Variants in GAS2 observed in about 807,000 individuals in gnomAD.
The protein encoded by GAS2 is growth arrest-specific protein 2.
Under a neutral mutation model 37.5 loss-of-function variants are expected in GAS2, and 20 were observed. The observed-to-expected ratio is 0.53, with a 90% confidence interval of 0.37 to 0.77. The LOEUF is 0.77. GAS2 is among the 30% of genes least tolerant of loss of function. The pLI is 0.00. For missense variants in GAS2, 336 were observed against 373.4 expected (o/e 0.90, Z 0.82); for synonymous variants, 144 against 132.2 (o/e 1.09, Z -0.61).
intron 7 of GAS2, among the ~76,000 whole-genome samples, chr11:22,788,030 CA>C (rs1232706100): frequency 6.6e-6 from 1 of 152,128 alleles, no homozygotes; most frequent in African/African-American, 2.4e-5. Flanking sequence ...AGTGCCTCTG[CA>C]ACATGAAATG....
At chr11:22,759,393 A>T (rs1854245172) in intron 7 of GAS2, among the ~76,000 whole-genome samples, 1 of 152,182 alleles carries the variant, frequency 6.6e-6, no homozygotes, top group South Asian at 2.1e-4. Context: ...TCCATGCCTA[A>T]ATGTTAAGAA....
rs78551211 is a variant in GAS2, at chr11:22,736,354, T to G, written c.410-1351T>G. Among the ~76,000 whole-genome samples, 312 of 152,134 alleles carry G rather than the reference T, an allele frequency of 2.1e-3. 9 individuals are homozygous for G. The East Asian group carries it at 0.05, about 25-fold the overall frequency. ...CTGAATCTAAAATTTGTGTTATCAG[T>G]AATAGAAATATCCTGCAATTCAGAT... is the stretch of plus-strand genomic sequence containing the variant. On this transcript the variant is annotated intron_variant, in intron 4 of 7. Coordinates refer to ENST00000454584, the MANE Select transcript of GAS2 (RefSeq NM_001143830.3).
intron 1 of GAS2, among the ~76,000 whole-genome samples, chr11:22,635,151 G>C (rs1858804295): frequency 6.6e-6 from 1 of 152,140 alleles, no homozygotes; most frequent in African/African-American, 2.4e-5. Flanking sequence ...TCAGGCAATG[G>C]GCAGAGTCAT....
chr11:22,764,424 G>A (rs1854564731), intron 7 of GAS2, among the ~76,000 whole-genome samples: 2 of 152,080 alleles, frequency 1.3e-5, no homozygotes, highest in Admixed American at 6.5e-5. Context: ...GCCGAGCGTG[G>A]TGGCAGGCGA....
chr11:22,680,411 C>T (rs434643), intron 2 of GAS2, among the ~76,000 whole-genome samples: 55,913 of 151,816 alleles, frequency 0.37, 11,288 homozygotes, highest in African/African-American at 0.55. Context: ...CTGTTTCCTA[C>T]CTCACAAACT....
At chr11:22,657,515 T>G (rs1848869515) in intron 1 of GAS2, among the ~76,000 whole-genome samples, 2 of 152,044 alleles carry the variant, frequency 1.3e-5, no homozygotes, top group South Asian at 4.1e-4. Context: ...CTTCATTGGT[T>G]GTTCCTGCGT....
At chr11:22,736,277 A>G (rs1054699667) in intron 4 of GAS2, among the ~76,000 whole-genome samples, 1 of 152,012 alleles carries the variant, frequency 6.6e-6, no homozygotes, top group East Asian at 1.9e-4. Flanking sequence ...TTTAATTAAA[A>G]GCAATTAAAA....
chr11:22,722,929 A>T (rs983540160), intron 3 of GAS2, among the ~76,000 whole-genome samples: 1 of 151,922 alleles, frequency 6.6e-6, no homozygotes, highest in African/African-American at 2.4e-5. Flanking sequence ...AAACTAATCC[A>T]TATTAGTTTC....
At chr11:22,771,859 T>G (rs931099229) in intron 7 of GAS2, among the ~76,000 whole-genome samples, 5 of 152,216 alleles carry the variant, frequency 3.3e-5, no homozygotes, top group African/African-American at 9.6e-5. Flanking sequence ...TTGAAAGAAC[T>G]GTTAGAAAGC....
At chr11:22,810,718 A>G (rs1452748539) in intron 7 of GAS2, among the ~76,000 whole-genome samples, 1 of 152,184 alleles carries the variant, frequency 6.6e-6, no homozygotes, top group Non-Finnish European at 1.5e-5. Context: ...ACAGGCATAT[A>G]GAAAGCAGGT....
Position 22,701,860 on chromosome 11 carries a change from A to G in GAS2, c.267+16071A>G, listed in dbSNP as rs540047403. On this transcript the variant is annotated intron_variant, in intron 3 of 7. Coordinates refer to ENST00000454584, the MANE Select transcript of GAS2 (RefSeq NM_001143830.3). ...ACAAACAAATAAAAGTTGGGGAAAA[A>G]AATTAGTTGCAAGAAGTCACAGGTC... is the stretch of plus-strand genomic sequence containing the variant. Among the ~76,000 whole-genome samples the G allele has an allele frequency of 5.9e-5, 9 of 152,230 alleles. No individual in the cohort carries two copies. In the South Asian group the frequency reaches 1.5e-3, roughly 25 times the overall value.
At chr11:22,711,303 A>G (rs1851393472) in intron 3 of GAS2, among the ~76,000 whole-genome samples, 1 of 152,210 alleles carries the variant, frequency 6.6e-6, no homozygotes, top group African/African-American at 2.4e-5. Context: ...CAGCCAGAAG[A>G]GTCCCATAGG....
chr11:22,807,452 T>C (rs112995589), intron 7 of GAS2, among the ~76,000 whole-genome samples: 111 of 152,372 alleles, frequency 7.3e-4, no homozygotes, highest in African/African-American at 2.6e-3. Context: ...TTGTGGAACA[T>C]GTTTTTAAAA....
intron 3 of GAS2, among the ~76,000 whole-genome samples, chr11:22,711,945 T>G (rs564099229): frequency 1.9e-4 from 29 of 152,172 alleles, no homozygotes; most frequent in African/African-American, 6.7e-4. Context: ...ACAAAAGACA[T>G]AATCTCTTGG....
chr11:22,794,626 A>G (rs945955651), intron 7 of GAS2, among the ~76,000 whole-genome samples: 1 of 152,142 alleles, frequency 6.6e-6, no homozygotes, highest in Admixed American at 6.6e-5. Flanking sequence ...TTTTATAATG[A>G]TCATGTAAAT....
chr11:22,737,794 C>T, intron 5 of GAS2, 26 bp downstream of exon 5: 8 of 1,606,298 alleles, frequency 5.0e-6, no homozygotes, highest in Non-Finnish European at 6.0e-6. Context: ...GCAACTATGT[C>T]AAGACATTGA....
At chr11:22,748,743 A>G (rs1379847740) in intron 5 of GAS2, among the ~76,000 whole-genome samples, 1 of 152,086 alleles carries the variant, frequency 6.6e-6, no homozygotes, top group Non-Finnish European at 1.5e-5. Flanking sequence ...TCTATTTTTA[A>G]CAAACTTAGG....
At chr11:22,795,021 G>T (rs755454731) in intron 7 of GAS2, among the ~76,000 whole-genome samples, 1 of 151,974 alleles carries the variant, frequency 6.6e-6, no homozygotes, top group African/African-American at 2.4e-5. Context: ...AAACAAAAAG[G>T]GTTCTAGGAA....
At chr11:22,739,887 G>A (rs1265587423) in intron 5 of GAS2, among the ~76,000 whole-genome samples, 1 of 151,908 alleles carries the variant, frequency 6.6e-6, no homozygotes, top group East Asian at 1.9e-4. Flanking sequence ...ACTGTCTCTA[G>A]AATTAGGTGG....
Sources: gnomAD v4.1 joint callset for allele counts (sites outside exome capture counted in the v4.1 genomes callset) on GRCh38, gnomAD v4.1.1 for gene constraint, MANE v1.5 for transcripts, NCBI Gene and HGNC (gene_info 2026-07-23, HGNC 2026-07-21) for gene names.